ZC3H12D: variants seen among roughly 807,000 people sequenced by gnomAD.
ZC3H12D encodes zinc finger CCCH-type containing 12D, also known as probable ribonuclease ZC3H12D.
A neutral mutation model predicts 24.2 loss-of-function variants in ZC3H12D; 11 were observed. That is an observed-to-expected ratio of 0.46 (90% CI 0.29 to 0.75). The LOEUF is 0.75. Among genes scored for constraint, ZC3H12D ranks in the 30% least tolerant of loss-of-function variants. ZC3H12D has a pLI of 0.11. For synonymous variants in ZC3H12D, 333 were observed against 341.8 expected, an observed-to-expected ratio of 0.97 and a Z score of 0.28; for missense variants, 740 against 767.7, an observed-to-expected ratio of 0.96 and a Z score of 0.43.
In ZC3H12D at chr6:149,452,685, G is replaced by T; in HGVS notation, c.718C>A (p.Pro240Thr). 1 of 1,608,606 alleles carries T rather than the reference G, an allele frequency of 6.2e-7. No individual in the cohort carries two copies. Among genetic ancestry groups the T allele is most frequent in the Admixed American group, 1.7e-5 (1 of 59,364 alleles). The change falls in exon 5 of 6, where the codon CCC (proline) becomes ACC (threonine). Residue 240 changes from proline (P) to threonine (T), a missense_variant. Transcript: ENST00000409806. The surrounding 1 kb of genome is among the most constrained non-coding windows in gnomAD (Gnocchi z 4.0). ...CTGCTCAGGAAGTTGCTCAGGGAGG[G>T]TCCATGGCGGCCCAGGGGGTCATCA... ...PPDDPLGRHG[P>T]SLSNFLSRKP...
At chr6:149,468,788 C>T (rs1776200285) in intron 2 of ZC3H12D, among the ~76,000 whole-genome samples, 1 of 152,114 alleles carries the variant, frequency 6.6e-6, no homozygotes, top group Non-Finnish European at 1.5e-5. Context: ...GTCTGACCCC[C>T]AGCCCGGTCA....
intron 2 of ZC3H12D, among the ~76,000 whole-genome samples, chr6:149,472,615 G>A (rs753252007): frequency 1.3e-5 from 2 of 151,960 alleles, no homozygotes; most frequent in African/African-American, 4.8e-5. Context: ...CAGAGGATGT[G>A]GCTTAAGTTT....
chr6:149,482,567 G>A (rs1405406701), intron 1 of ZC3H12D, among the ~76,000 whole-genome samples: 2 of 152,180 alleles, frequency 1.3e-5, no homozygotes, highest in Non-Finnish European at 2.9e-5. Context: ...GGAAGAGCAG[G>A]GAGGAAGGGA....
At chr6:149,473,123 T>C (rs1776271624) in intron 2 of ZC3H12D, among the ~76,000 whole-genome samples, 1 of 132,722 alleles carries the variant, frequency 7.5e-6, no homozygotes, top group Non-Finnish European at 1.6e-5. Context: ...GAGACTTAGC[T>C]GGTTAAAAGT....
chr6:149,458,292 C>T lies in ZC3H12D; in HGVS notation c.446-1392G>A, dbSNP rs574000662. Among the ~76,000 whole-genome samples, 5 of 151,580 alleles carry T rather than the reference C, an allele frequency of 3.3e-5. No individual in the cohort carries two copies. The South Asian group carries it at 6.3e-4, about 19-fold the overall frequency. On this transcript the variant is annotated intron_variant, in intron 3 of 5. Coordinates refer to ENST00000409806, the MANE Select transcript of ZC3H12D (RefSeq NM_207360.3). Reference sequence around the variant, plus strand: ...CTAGGACTACAGGCATGCACCACCACGCTCAGCTAATTTTTTTATTTTTTG... The same window carrying T: ...CTAGGACTACAGGCATGCACCACCATGCTCAGCTAATTTTTTTATTTTTTG...
chr6:149,450,707 C>A lies in ZC3H12D; in HGVS notation c.1560G>T (p.Ala520=). Residue 520 remains alanine, a synonymous_variant, in exon 6 of 6, where the codon GCG becomes GCT. Transcript: ENST00000409806. Reference sequence around the variant, plus strand: ...CTTAGGGCTTGCCCAGGGGCGCCCCCGCGCTCTGGCATCTCTGTACCAGGA... The same window carrying A: ...CTTAGGGCTTGCCCAGGGGCGCCCCAGCGCTCTGGCATCTCTGTACCAGGA... The part of the protein sequence containing the change: ...LILLVQRCQS[A]GAPLGKP The A allele has an allele frequency of 2.0e-6, 3 of 1,537,918 alleles. No homozygotes were observed. The highest frequency in any genetic ancestry group is 2.6e-6 in the Non-Finnish European group (3 of 1,140,064).
At position 149,484,689 on chromosome 6, in the gene ZC3H12D, GACTGCTCTCT is replaced by G; in HGVS notation, c.-71+114_-71+123del. ...TTGTTCAGGGTCACACGCCCCCAAG[GACTGCTCTCT>G]AACAGCCCTCCTCCTGCCTCTGCCC... On this transcript the variant is annotated intron_variant, in intron 1 of 5. Coordinates refer to ENST00000409806, the MANE Select transcript of ZC3H12D (RefSeq NM_207360.3). 2.0e-5 allele frequency: 3 copies of G among 152,702 alleles called. No homozygotes were observed. The Middle Eastern group carries it at 6.8e-3, about 345-fold the overall frequency. The allele number at this position is 152,702 out of a possible 1,614,324, so 9.5% of individuals were successfully genotyped here.
intron 3 of ZC3H12D, among the ~76,000 whole-genome samples, chr6:149,460,260 A>G (rs1388427030): frequency 2.6e-5 from 4 of 152,258 alleles, no homozygotes; most frequent in Non-Finnish European, 5.9e-5. Flanking sequence ...CAGATTTGGG[A>G]TTTTTGGATT....
In ZC3H12D at chr6:149,474,602, T is replaced by C. The variant is rs1776302755; in HGVS notation, c.-59A>G. ...CCCAGGCTTCCTCCTCTCAGAGCCC[T>C]GCAGACATGAGCTAAAGAGAAAAAA... On this transcript the variant is annotated 5_prime_UTR_variant, in exon 2 of 6. Coordinates refer to ENST00000409806, the MANE Select transcript of ZC3H12D (RefSeq NM_207360.3). 2 of 1,378,572 alleles carry C rather than the reference T, an allele frequency of 1.5e-6. No homozygotes were observed. Among genetic ancestry groups the C allele is most frequent in the Admixed American group, 2.9e-5 (1 of 34,838 alleles). 85.4% of individuals were successfully genotyped at this position (1,378,572 alleles called of 1,614,324 possible).
rs1359994533 is a variant in ZC3H12D at position 149,452,017 on chromosome 6, A to T, written c.788-538T>A. ...CAAATGGTCAAGTGTTACTATCCAA[A>T]CCCAAGGCTTCTGAGAGTGAAAGGG... On this transcript the variant is annotated intron_variant, in intron 5 of 5. Transcript: ENST00000409806. The surrounding 1 kb of genome is among the most constrained non-coding windows in gnomAD (Gnocchi z 4.0). 6.5e-6 allele frequency: 1 copy of T among 153,144 alleles called. No individual in the cohort carries two copies. The highest frequency in any genetic ancestry group is 2.4e-5 in the African/African-American group (1 of 41,478). 9.5% of individuals were successfully genotyped at this position (153,144 alleles called of 1,614,324 possible). A position where few individuals can be genotyped will look rare whatever the true frequency, so the allele number is the denominator to read the frequency against.
At chr6:149,469,025 C>T (rs1039027983) in intron 2 of ZC3H12D, among the ~76,000 whole-genome samples, 1 of 152,200 alleles carries the variant, frequency 6.6e-6, no homozygotes, top group African/African-American at 2.4e-5. Context: ...TGAAACCCTA[C>T]TCTGGGGCAG....
chr6:149,470,816 T>C (rs371069612), intron 2 of ZC3H12D, among the ~76,000 whole-genome samples: 1 of 152,364 alleles, frequency 6.6e-6, no homozygotes, highest in East Asian at 1.9e-4. Flanking sequence ...GCCAGTTCCT[T>C]GGTTGCACTG....
intron 3 of ZC3H12D, among the ~76,000 whole-genome samples, chr6:149,460,739 A>C (rs1776059104): frequency 6.6e-6 from 1 of 152,090 alleles, no homozygotes; most frequent in African/African-American, 2.4e-5. Flanking sequence ...CTAAAGCAGG[A>C]GAATCGCTTG....
chr6:149,465,114 G>A (rs900451984), intron 2 of ZC3H12D, among the ~76,000 whole-genome samples: 2 of 152,202 alleles, frequency 1.3e-5, no homozygotes, highest in Non-Finnish European at 2.9e-5. Context: ...AGCACTTTGG[G>A]AGGCTGAGGT....
In ZC3H12D at chr6:149,481,075, C is replaced by T. The variant is rs758866191; in HGVS notation, c.-71+3738G>A. ...GGGGACACTCACCCAGCCTGACAGGCCAGCCTCTCACTGAGCCCAAAGGCT... is the reference window on the plus strand; with the variant it reads ...GGGGACACTCACCCAGCCTGACAGGTCAGCCTCTCACTGAGCCCAAAGGCT... On this transcript the variant is annotated intron_variant, in intron 1 of 5. Coordinates refer to ENST00000409806, the MANE Select transcript of ZC3H12D (RefSeq NM_207360.3). 4.4e-4 allele frequency among the ~76,000 whole-genome samples: 50 copies of T among 113,346 alleles called. 1 individual carries two copies. The highest frequency in any genetic ancestry group is 2.0e-3 in the African/African-American group (48 of 23,542). The allele number at this position is 113,346 out of a possible 152,430, so 74.4% of individuals were successfully genotyped here.
rs747051206 is a variant in ZC3H12D at position 149,447,939 on chromosome 6, AG to A, written c.*2743del. 3 of 152,248 alleles carry A rather than the reference AG, an allele frequency of 2.0e-5. No individual in the cohort carries two copies. Among genetic ancestry groups the A allele is most frequent in the Non-Finnish European group, 4.4e-5 (3 of 68,030 alleles). The allele number at this position is 152,248 out of a possible 1,614,324, so 9.4% of individuals were successfully genotyped here. A position where few individuals can be genotyped will look rare whatever the true frequency, so the allele number is the denominator to read the frequency against. ...TGATTCTACATCAGGAAATCGAACC[AG>A]GGAGACAAAAAGCAGCTCTAATAGA... On this transcript the variant is annotated 3_prime_UTR_variant, in exon 6 of 6. Transcript: ENST00000409806.
chr6:149,451,224 C>T lies in ZC3H12D; in HGVS notation c.1043G>A (p.Arg348Gln). 1 of 1,304,114 alleles carries T rather than the reference C, an allele frequency of 7.7e-7. No homozygotes were observed. Among genetic ancestry groups the T allele is most frequent in the Non-Finnish European group, 9.7e-7 (1 of 1,032,842 alleles). The allele number at this position is 1,304,114 out of a possible 1,614,324, so 80.8% of individuals were successfully genotyped here. A position where few individuals can be genotyped will look rare whatever the true frequency, so the allele number is the denominator to read the frequency against. ...CCCCAGGTCGTCGCTGAAGGCCAGC[C>T]GAGAGAAGCTCCCTCGCAGGGCGGC... ...DLAALRGSFS[R>Q]LAFSDDLGPL... Residue 348 changes from arginine to glutamine, a missense_variant, in exon 6 of 6, where the codon CGG becomes CAG. Transcript: ENST00000409806.
chr6:149,481,976 G>C (rs1035459551), intron 1 of ZC3H12D, among the ~76,000 whole-genome samples: 21 of 152,240 alleles, frequency 1.4e-4, no homozygotes, highest in Non-Finnish European at 2.9e-5. Flanking sequence ...AAACATGAGC[G>C]TTTCCAAAAT....
Position 149,451,358 on chromosome 6 carries a change from G to A in ZC3H12D, c.909C>T (p.Ala303=), listed in dbSNP as rs935276054. The change falls in exon 6 of 6, where the codon GCC becomes GCT. Residue 303 remains alanine (A), a synonymous_variant. Transcript: ENST00000409806. ...AKTGARPGAG[A]EEQRPPRAPG... ...GGGCTCTCGGTGGCCGCTGCTCCTC[G>A]GCGCCCGCGCCAGGCCGGGCCCCTG... is the stretch of plus-strand genomic sequence containing the variant. 8 of 1,447,980 alleles carry A rather than the reference G, an allele frequency of 5.5e-6. No individual in the cohort carries two copies. The highest frequency in any genetic ancestry group is 7.2e-6 in the Non-Finnish European group (8 of 1,106,374). The allele number at this position is 1,447,980 out of a possible 1,614,324, so 89.7% of individuals were successfully genotyped here. A position where few individuals can be genotyped will look rare whatever the true frequency, so the allele number is the denominator to read the frequency against.
Sources: allele counts gnomAD v4.1 joint callset (sites outside exome capture counted in the v4.1 genomes callset), GRCh38; gene constraint gnomAD v4.1.1; non-coding constraint Gnocchi (gnomAD v3.1); transcripts MANE v1.5; gene names NCBI Gene and HGNC (gene_info 2026-07-23, HGNC 2026-07-21).